NUTF2: variants seen among roughly 807,000 people sequenced by gnomAD.
NUTF2 encodes nuclear transport factor 2, also known as placental protein 15.
In NUTF2, 3 loss-of-function variants were observed where a neutral mutation model predicts 18.5. The observed-to-expected ratio is 0.16, with a 90% CI of 0.07 to 0.42. The LOEUF (loss-of-function observed/expected upper bound fraction) is 0.42, where lower values mean the gene tolerates loss of function less well. Among genes scored for constraint, NUTF2 ranks in the 10% least tolerant of loss-of-function variants. The pLI, the probability that NUTF2 is intolerant of heterozygous loss-of-function variation, is 0.99. For synonymous variants in NUTF2, 51 were observed against 57.9 expected, an observed-to-expected ratio of 0.88 and a Z score of 0.54; for missense variants, 44 against 160.7, an observed-to-expected ratio of 0.27 and a Z score of 3.93.
intron 2 of NUTF2, among the ~76,000 whole-genome samples, chr16:67,867,528 C>T (rs1008694773): frequency 2.6e-5 from 4 of 152,050 alleles, no homozygotes; most frequent in South Asian, 2.1e-4. Flanking sequence ...GATTTTGCTT[C>T]TTGGTGGTAG....
At chr16:67,853,931 G>GCCA (rs2057877753) in intron 1 of NUTF2, among the ~76,000 whole-genome samples, 1 of 152,128 alleles carries the variant, frequency 6.6e-6, no homozygotes, top group South Asian at 2.1e-4. Flanking sequence ...ATAGGGAACA[G>GCCA]CCACCACGCC....
rs944304962 is a variant in NUTF2 at position 67,872,461 on chromosome 16, G to C, written c.*1548G>C. The C allele has an allele frequency of 6.6e-6, 1 of 152,332 alleles. No homozygotes were observed. Among genetic ancestry groups the C allele is most frequent in the African/African-American group, 2.4e-5 (1 of 41,436 alleles). 9.4% of individuals were successfully genotyped at this position (152,332 alleles called of 1,614,324 possible). A position where few individuals can be genotyped will look rare whatever the true frequency, so the allele number is the denominator to read the frequency against. On this transcript the variant is annotated 3_prime_UTR_variant, in exon 5 of 5. Coordinates refer to ENST00000219169, the MANE Select transcript of NUTF2 (RefSeq NM_005796.3). The stretch of plus-strand genomic sequence containing the variant: ...GTGTATTTGGGGAAGTGGGGGTGGG[G>C]AAGAGGTAGGTGCCTGCTGCCTCAA...
At chr16:67,858,447 G>A (rs991970864) in intron 1 of NUTF2, among the ~76,000 whole-genome samples, 4 of 152,170 alleles carry the variant, frequency 2.6e-5, no homozygotes, top group Non-Finnish European at 4.4e-5. Context: ...GATTACAGGC[G>A]TGAGCCACTG....
At chr16:67,864,877 A>C (rs2057959874) in intron 1 of NUTF2, among the ~76,000 whole-genome samples, 1 of 152,104 alleles carries the variant, frequency 6.6e-6, no homozygotes, top group Non-Finnish European at 1.5e-5. Context: ...TGTCTCATCA[A>C]CCAAGAACTC....
rs1456098345 is a variant in NUTF2, at chr16:67,859,797, T to A, written c.-29-5305T>A. 4.1e-4 allele frequency among the ~76,000 whole-genome samples: 3 copies of A among 7,240 alleles called. No homozygotes were observed. The African/African-American group carries it at 6.3e-3, about 15-fold the overall frequency. 4.7% of individuals were successfully genotyped at this position (7,240 alleles called of 152,430 possible). The stretch of plus-strand genomic sequence containing the variant: ...AGGCGTGAGCCACTGCGCCAGGCCT[T>A]TTTTTTTTTTTTTTTTTTTTTTTTT... On this transcript the variant is annotated intron_variant, in intron 1 of 4. Coordinates refer to ENST00000219169, the MANE Select transcript of NUTF2 (RefSeq NM_005796.3).
chr16:67,849,543 T>C (rs2057837102), intron 1 of NUTF2, among the ~76,000 whole-genome samples: 2 of 151,790 alleles, frequency 1.3e-5, no homozygotes, highest in Admixed American at 1.3e-4. Flanking sequence ...GGTTTCACCA[T>C]ATTTGTCAGG....
intron 1 of NUTF2, among the ~76,000 whole-genome samples, chr16:67,851,128 T>C (rs1225438356): frequency 2.0e-5 from 3 of 152,054 alleles, no homozygotes; most frequent in Non-Finnish European, 4.4e-5. Context: ...CTGAGCCATG[T>C]CTTGTTTTAT....
chr16:67,870,686 C>A (rs1394748057), intron 4 of NUTF2, 114 bp from the exon 5 acceptor site: 14 of 807,904 alleles, frequency 1.7e-5, no homozygotes, highest in Non-Finnish European at 2.6e-5. Context: ...GATTTGAGTT[C>A]AGGACAGTAG....
chr16:67,856,342 C>A (rs2057897006), intron 1 of NUTF2, among the ~76,000 whole-genome samples: 1 of 152,028 alleles, frequency 6.6e-6, no homozygotes, highest in African/African-American at 2.4e-5. Context: ...CAGGCACCCA[C>A]CACCACGCCT....
intron 2 of NUTF2, among the ~76,000 whole-genome samples, chr16:67,867,242 G>A (rs1238102732): frequency 6.6e-6 from 1 of 152,208 alleles, no homozygotes; most frequent in Non-Finnish European, 1.5e-5. Context: ...AAAGTGCTGG[G>A]ATTACAGGTG....
rs762361842 is a variant in NUTF2 at position 67,868,610 on chromosome 16, T to C, written c.270+11T>C. ...GTGGGCCAGCTTAAGGTAATGGTAC[T>C]GCCACAGTGGTAGGGAGGGGTGGGC... On this transcript the variant is annotated intron_variant, in intron 4 of 4. Coordinates refer to ENST00000219169, the MANE Select transcript of NUTF2 (RefSeq NM_005796.3). 1 of 1,612,074 alleles carries C rather than the reference T, an allele frequency of 6.2e-7. No homozygotes were observed. Among genetic ancestry groups the C allele is most frequent in the Non-Finnish European group, 8.5e-7 (1 of 1,178,600 alleles).
At chr16:67,857,242 G>T (rs1334198607) in intron 1 of NUTF2, among the ~76,000 whole-genome samples, 1 of 152,204 alleles carries the variant, frequency 6.6e-6, no homozygotes, top group Non-Finnish European at 1.5e-5. Context: ...ACTGGGGAAA[G>T]GGAGGTTACA....
rs745469994 is a variant in NUTF2, at chr16:67,868,424, G to A, written c.171+13G>A. ...GGAGAAGTTGTCTGTAAGTAGGGAA[G>A]AAAGCCAGGGTGCAGGTGGCTCCTT... On this transcript the variant is annotated intron_variant, in intron 3 of 4. Transcript: ENST00000219169. 8 of 1,614,036 alleles carry A rather than the reference G, an allele frequency of 5.0e-6. No homozygotes were observed. In the African/African-American group the frequency reaches 1.1e-4, roughly 22 times the overall value.
intron 2 of NUTF2, among the ~76,000 whole-genome samples, chr16:67,867,563 A>G (rs2057981642): frequency 6.6e-6 from 1 of 152,092 alleles, no homozygotes; most frequent in African/African-American, 2.4e-5. Context: ...TAGGCCTTGG[A>G]AGGCCCTGTC....
chr16:67,863,023 A>G (rs1458908905), intron 1 of NUTF2, among the ~76,000 whole-genome samples: 3 of 152,150 alleles, frequency 2.0e-5, no homozygotes, highest in Non-Finnish European at 4.4e-5. Context: ...GTCAGGGCAC[A>G]TTGAGTGACT....
At chr16:67,870,762 T>A (rs758512550) in intron 4 of NUTF2, 38 bp from the exon 5 acceptor site, 1 of 1,525,972 alleles carries the variant, frequency 6.6e-7, no homozygotes, top group Non-Finnish European at 9.1e-7. Flanking sequence ...TTCCTGTTTC[T>A]TGATCCCCTT....
intron 4 of NUTF2, 83 bp downstream of exon 4, chr16:67,868,682 T>C: frequency 7.8e-7 from 1 of 1,280,096 alleles, no homozygotes. Context: ...GGATGTGACC[T>C]GCTTATCTAG....
At chr16:67,852,644 C>A (rs1357386536) in intron 1 of NUTF2, among the ~76,000 whole-genome samples, 5 of 151,982 alleles carry the variant, frequency 3.3e-5, no homozygotes, top group Admixed American at 6.6e-5. Flanking sequence ...AAGCTTGAGC[C>A]ACCATGCCTG....
At chr16:67,854,107 C>T (rs1346736722) in intron 1 of NUTF2, among the ~76,000 whole-genome samples, 1 of 152,222 alleles carries the variant, frequency 6.6e-6, no homozygotes, top group African/African-American at 2.4e-5. Context: ...CGCGCCACCA[C>T]GCCCAGCTAA....
Sources: gnomAD v4.1 joint callset for allele counts (sites outside exome capture counted in the v4.1 genomes callset) on GRCh38, gnomAD v4.1.1 for gene constraint, MANE v1.5 for transcripts, NCBI Gene and HGNC (gene_info 2026-07-23, HGNC 2026-07-21) for gene names.